The following FSHR variants were observed in gnomAD, a reference collection of about 807,000 sequenced individuals.
FSHR encodes follicle-stimulating hormone receptor.
A neutral mutation model predicts 52.1 loss-of-function variants in FSHR; 46 were observed. The ratio of observed to expected loss-of-function variants is 0.88; its 90% confidence interval spans 0.70 to 1.13. The LOEUF (loss-of-function observed/expected upper bound fraction) is 1.13, where lower values mean the gene tolerates loss of function less well. Among genes scored for constraint, FSHR ranks in the 50% most tolerant of loss-of-function variants. FSHR has a pLI of 0.00. For synonymous variants in FSHR, 399 were observed against 309.6 expected, an observed-to-expected ratio of 1.29 and a Z score of -3.03; for missense variants, 964 against 834.6, an observed-to-expected ratio of 1.16 and a Z score of -1.91.
At chr2:49,090,509 A>G (rs946616640) in intron 1 of FSHR, among the ~76,000 whole-genome samples, 3 of 152,194 alleles carry the variant, frequency 2.0e-5, no homozygotes, top group East Asian at 3.8e-4. Flanking sequence ...TTGTTTACCT[A>G]TTCACCTGTT....
intron 1 of FSHR, among the ~76,000 whole-genome samples, chr2:49,084,961 T>C (rs577455688): frequency 2.6e-5 from 4 of 152,094 alleles, no homozygotes; most frequent in African/African-American, 9.6e-5. Flanking sequence ...TTCCAATCAA[T>C]AGAAAAAGAC....
At chr2:49,031,057 T>C (rs1242205941) in intron 2 of FSHR, among the ~76,000 whole-genome samples, 1 of 152,224 alleles carries the variant, frequency 6.6e-6, no homozygotes, top group Non-Finnish European at 1.5e-5. Context: ...CCCAAGATAT[T>C]GGGGATCAAC....
At chr2:48,971,296 G>A (rs560657653) in intron 8 of FSHR, among the ~76,000 whole-genome samples, 1 of 152,294 alleles carries the variant, frequency 6.6e-6, no homozygotes, top group Admixed American at 6.5e-5. Context: ...TGGGATACTG[G>A]AGAATAGGTA....
At chr2:48,966,248 G>A (rs1485783587) in intron 9 of FSHR, among the ~76,000 whole-genome samples, 1 of 152,144 alleles carries the variant, frequency 6.6e-6, no homozygotes, top group East Asian at 1.9e-4. Flanking sequence ...GAATTCTTGA[G>A]GTCTAGGCCC....
In FSHR at chr2:49,127,882, TCTTCTTCTTCTTC is replaced by T. The variant is rs1558457019; in HGVS notation, c.152+26371_152+26383del. ...TTCTTCTTCTTCTTCTTCTTCTTCT[TCTTCTTCTTCTTC>T]TTCTTTTTTTTTTTTGAGACGGAGT... is the stretch of plus-strand genomic sequence containing the variant. On this transcript the variant is annotated intron_variant, in intron 1 of 9. Coordinates refer to ENST00000406846, the MANE Select transcript of FSHR (RefSeq NM_000145.4). Among the ~76,000 whole-genome samples, 215 of 46,560 alleles carry T rather than the reference TCTTCTTCTTCTTC, an allele frequency of 4.6e-3. 16 individuals are homozygous for T. Among genetic ancestry groups the T allele is most frequent in the Admixed American group, 0.032 (121 of 3,762 alleles). 30.5% of individuals were successfully genotyped at this position (46,560 alleles called of 152,430 possible). A position where few individuals can be genotyped will look rare whatever the true frequency, so the allele number is the denominator to read the frequency against.
intron 1 of FSHR, among the ~76,000 whole-genome samples, chr2:49,074,505 CA>C (rs1669874684): frequency 6.6e-6 from 1 of 151,972 alleles, no homozygotes; most frequent in African/African-American, 2.4e-5. Flanking sequence ...CTCAAAAGGA[CA>C]ACAAAATAAC....
At chr2:49,084,192 C>A (rs1437767469) in intron 1 of FSHR, among the ~76,000 whole-genome samples, 1 of 152,018 alleles carries the variant, frequency 6.6e-6, no homozygotes, top group African/African-American at 2.4e-5. Context: ...TTAAGAATCT[C>A]ACTCAAAACC....
chr2:48,996,695 T>C (rs1676038227), intron 4 of FSHR, among the ~76,000 whole-genome samples: 1 of 152,032 alleles, frequency 6.6e-6, no homozygotes. Context: ...TGAAACGAGG[T>C]GGCAGAATGC....
rs1257542352 is a variant in FSHR at position 49,017,577 on chromosome 2, A to G, written c.300-14T>C. 6.3e-7 allele frequency: 1 copy of G among 1,592,020 alleles called. No homozygotes were observed. Among genetic ancestry groups the G allele is most frequent in the Admixed American group, 1.7e-5 (1 of 59,894 alleles). On this transcript the variant is annotated splice_polypyrimidine_tract_variant and intron_variant, in intron 3 of 9. Coordinates refer to ENST00000406846, the MANE Select transcript of FSHR (RefSeq NM_000145.4). ...TTTTCAATTCTACTGTAAAAGAAGA[A>G]AAAACATGCTAGTGATCTTGATGGT...
intron 1 of FSHR, among the ~76,000 whole-genome samples, chr2:49,108,396 T>G (rs1442835925): frequency 1.3e-5 from 2 of 152,170 alleles, no homozygotes; most frequent in Non-Finnish European, 2.9e-5. Flanking sequence ...TGGAGAACCC[T>G]GACCTAATAC....
In FSHR at chr2:49,134,765, T is replaced by G. The variant is rs1013772714; in HGVS notation, c.152+19501A>C. ...AAATGATGCGTTCATGTCCTTTGTATGGACATGGATGAAATTGGAAACCAT... is the reference window on the plus strand; with the variant it reads ...AAATGATGCGTTCATGTCCTTTGTAGGGACATGGATGAAATTGGAAACCAT... On this transcript the variant is annotated intron_variant, in intron 1 of 9. Coordinates refer to ENST00000406846, the MANE Select transcript of FSHR (RefSeq NM_000145.4). Among the ~76,000 whole-genome samples the G allele has an allele frequency of 1.5e-4, 23 of 152,308 alleles. No homozygotes were observed. In the East Asian group the frequency reaches 3.9e-3, roughly 26 times the overall value.
chr2:49,099,412 C>G (rs1670945061), intron 1 of FSHR, among the ~76,000 whole-genome samples: 2 of 152,064 alleles, frequency 1.3e-5, no homozygotes, highest in African/African-American at 4.8e-5. Context: ...CCATGTGGAA[C>G]TGTAAGTCCA....
chr2:49,012,765 C>A (rs1430644020), intron 4 of FSHR, among the ~76,000 whole-genome samples: 1 of 152,130 alleles, frequency 6.6e-6, no homozygotes, highest in Non-Finnish European at 1.5e-5. Context: ...GCAAGTAGTT[C>A]ATCATCCCAA....
intron 1 of FSHR, among the ~76,000 whole-genome samples, chr2:49,085,991 A>G (rs1163900762): frequency 6.6e-6 from 1 of 152,016 alleles, no homozygotes; most frequent in Admixed American, 6.6e-5. Context: ...GAGGGATAGC[A>G]TTAGGAGATA....
At chr2:49,039,711 A>T (rs1382363423) in intron 2 of FSHR, among the ~76,000 whole-genome samples, 1 of 152,158 alleles carries the variant, frequency 6.6e-6, no homozygotes, top group African/African-American at 2.4e-5. Flanking sequence ...GTCTTTTTAA[A>T]TATTTTAATG....
intron 1 of FSHR, among the ~76,000 whole-genome samples, chr2:49,102,284 T>C (rs1671056904): frequency 6.6e-6 from 1 of 152,162 alleles, no homozygotes; most frequent in South Asian, 2.1e-4. Flanking sequence ...CCTTTGGGAC[T>C]TTGCTGGGAA....
chr2:49,064,062 T>TTGTGTGTGTGTGTG lies in FSHR; in HGVS notation c.224+4143_224+4156dup, dbSNP rs61681324. 6.1e-5 allele frequency among the ~76,000 whole-genome samples: 9 copies of TTGTGTGTGTGTGTG among 148,716 alleles called. No individual in the cohort carries two copies. The East Asian group carries it at 8.0e-4, about 13-fold the overall frequency. On this transcript the variant is annotated intron_variant, in intron 2 of 9. Coordinates refer to ENST00000406846, the MANE Select transcript of FSHR (RefSeq NM_000145.4). Reference sequence around the variant, plus strand: ...AAAAAAGTGGTAAGGCATGAAGAGTTTGTGTGTGTGTGTGTGTGTGTGTGT... The same window carrying TTGTGTGTGTGTGTG: ...AAAAAAGTGGTAAGGCATGAAGAGTTTGTGTGTGTGTGTGTGTGTGTGTGTGTGTGTGTGTGTGT...
chr2:49,015,642 G>T (rs181311318), intron 4 of FSHR, among the ~76,000 whole-genome samples: 2 of 152,204 alleles, frequency 1.3e-5, no homozygotes, highest in East Asian at 3.9e-4. Context: ...ACTGTTATGT[G>T]CCTAGGCATG....
At chr2:49,088,147 G>A (rs1024121319) in intron 1 of FSHR, among the ~76,000 whole-genome samples, 1 of 152,154 alleles carries the variant, frequency 6.6e-6, no homozygotes, top group Admixed American at 6.5e-5. Context: ...TCTGAAGCCT[G>A]TCTGGTCCCA....
Sources: allele counts gnomAD v4.1 joint callset (sites outside exome capture counted in the v4.1 genomes callset), GRCh38; gene constraint gnomAD v4.1.1; transcripts MANE v1.5; gene names NCBI Gene and HGNC (gene_info 2026-07-23, HGNC 2026-07-21).